The following NHS variants were observed in gnomAD, a reference collection of about 807,000 sequenced individuals.
The protein encoded by NHS is NHS actin remodeling regulator.
Under a neutral mutation model 72.5 loss-of-function variants are expected in NHS, and 5 were observed. The ratio of observed to expected loss-of-function variants is 0.07; its 90% CI spans 0.04 to 0.14. The LOEUF is 0.14. Ranked by LOEUF, NHS falls within the 10% of genes least tolerant of loss-of-function variation. The probability of loss-of-function intolerance (pLI) is 1.00; values close to 1 mark genes in which losing one functional copy is unlikely to be tolerated. For synonymous variants in NHS, 464 were observed against 547.7 expected (o/e 0.85, Z 2.13); for missense variants, 1,072 against 1,355.7 (o/e 0.79, Z 3.29).
At chrX:17,479,623 G>A (rs1380824881) in intron 1 of NHS, among the ~76,000 whole-genome samples, 1 of 112,274 alleles carries the variant, frequency 8.9e-6, no homozygotes, top group East Asian at 2.8e-4. Context: ...TTGTGGTTTT[G>A]ATGTGCATTT....
At chrX:17,564,191 G>T (rs1408425035) in intron 1 of NHS, among the ~76,000 whole-genome samples, 1 of 112,239 alleles carries the variant, frequency 8.9e-6, no homozygotes, top group East Asian at 2.8e-4. Flanking sequence ...TGGAGGTTTG[G>T]ATGTGAAACT....
intron 1 of NHS, among the ~76,000 whole-genome samples, chrX:17,560,172 A>G (rs757453768): frequency 1.4e-4 from 16 of 111,672 alleles, no homozygotes; most frequent in Non-Finnish European, 2.8e-4. Flanking sequence ...TTGTAATCTG[A>G]TATCTCGAGG....
At position 17,721,367 on chromosome X, in the gene NHS, A is replaced by G. The variant is rs1006995021; in HGVS notation, c.916-74A>G. ...TTTCTGACCTCATTTTTTCTTCTCTAAACTAGGAAATTCCTTATATGTGTG... is the reference window on the plus strand; with the variant it reads ...TTTCTGACCTCATTTTTTCTTCTCTGAACTAGGAAATTCCTTATATGTGTG... On this transcript the variant is annotated intron_variant, in intron 4 of 8. Transcript: ENST00000676302. 6.1e-5 allele frequency: 66 copies of G among 1,082,335 alleles called. No homozygotes were observed. The Middle Eastern group carries it at 7.6e-4, about 12-fold the overall frequency. 89.2% of individuals were successfully genotyped at this position (1,082,335 alleles called of 1,213,427 possible). A position where few individuals can be genotyped will look rare whatever the true frequency, so the allele number is the denominator to read the frequency against.
At chrX:17,482,200 G>A (rs1223853995) in intron 1 of NHS, among the ~76,000 whole-genome samples, 1 of 112,049 alleles carries the variant, frequency 8.9e-6, no homozygotes, top group Non-Finnish European at 1.9e-5. Flanking sequence ...GGCCAGGGGA[G>A]CTCCTGCAGT....
At chrX:17,597,932 CTAGGAGGG>C (rs1417823587) in intron 1 of NHS, among the ~76,000 whole-genome samples, 1 of 111,523 alleles carries the variant, frequency 9.0e-6, no homozygotes, top group Non-Finnish European at 1.9e-5. Flanking sequence ...AGGCTCATTT[CTAGGAGGG>C]TAGGACACTC....
intron 1 of NHS, among the ~76,000 whole-genome samples, chrX:17,565,684 G>A (rs1004713410): frequency 4.5e-5 from 5 of 111,509 alleles, no homozygotes; most frequent in Non-Finnish European, 9.4e-5. Context: ...CTACGAGAGA[G>A]GGCCAAAAAG....
rs779170769 is a variant in NHS, at chrX:17,724,459, A to C, written c.1240+29A>C. 24 of 1,207,012 alleles carry C rather than the reference A, an allele frequency of 2.0e-5. No homozygotes were observed. In the South Asian group the frequency reaches 4.0e-4, roughly 20 times the overall value. ...TGATATCAAAAAATGTTAATGGTTA[A>C]CATTCCTCCGCCTAGTACAGATGAT... On this transcript the variant is annotated intron_variant, in intron 6 of 8. Transcript: ENST00000676302.
chrX:17,410,922 G>A (rs909937463), intron 1 of NHS, among the ~76,000 whole-genome samples: 1 of 111,706 alleles, frequency 9.0e-6, no homozygotes, highest in African/African-American at 3.3e-5. Context: ...TATTGTCTTT[G>A]TGTGAAACTT....
intron 1 of NHS, among the ~76,000 whole-genome samples, chrX:17,469,651 T>G: frequency 8.9e-6 from 1 of 111,987 alleles, no homozygotes; most frequent in Non-Finnish European, 1.9e-5. Flanking sequence ...TTCTATAAGT[T>G]TGTTTGAGTC....
intron 1 of NHS, among the ~76,000 whole-genome samples, chrX:17,583,407 C>T (rs150324101): frequency 0.019 from 2,161 of 112,121 alleles, 54 homozygotes; most frequent in African/African-American, 0.066. Flanking sequence ...AGCCTCCCAA[C>T]TTCCAGGTGT....
At chrX:17,684,610 C>T (rs1189957893) in intron 1 of NHS, among the ~76,000 whole-genome samples, 5 of 112,232 alleles carry the variant, frequency 4.5e-5, no homozygotes, top group African/African-American at 1.6e-4. Context: ...TTCTTCAAGG[C>T]CAATAGGAGA....
At chrX:17,380,579 T>C (rs2064372674) in intron 1 of NHS, among the ~76,000 whole-genome samples, 1 of 111,011 alleles carries the variant, frequency 9.0e-6, no homozygotes, top group Admixed American at 9.5e-5. Context: ...TCTCGAACTC[T>C]TGCGCTGAAG....
At chrX:17,570,864 G>A (rs56742423) in intron 1 of NHS, among the ~76,000 whole-genome samples, 9,071 of 111,782 alleles carry the variant, frequency 0.081, 903 homozygotes, top group African/African-American at 0.27. Context: ...AGTTTACTGA[G>A]AGTTTTTACC....
chrX:17,394,768 G>A (rs2064464223), intron 1 of NHS, among the ~76,000 whole-genome samples: 1 of 108,474 alleles, frequency 9.2e-6, no homozygotes, highest in South Asian at 3.9e-4. Flanking sequence ...TTGGAAGATC[G>A]CTGATTTTTT....
In NHS at chrX:17,592,737, T is replaced by C. The variant is rs10521675; in HGVS notation, c.566-95005T>C. Among the ~76,000 whole-genome samples the C allele has an allele frequency of 7.0e-3, 780 of 111,847 alleles. 6 individuals are homozygous for C. Among genetic ancestry groups the C allele is most frequent in the Middle Eastern group, 0.06 (13 of 217 alleles). On this transcript the variant is annotated intron_variant, in intron 1 of 8. Coordinates refer to ENST00000676302, the MANE Select transcript of NHS (RefSeq NM_001291867.2). ...TTTTAAGTGGACCTTAGGAATGTTA[T>C]AATAAAGCCCAGTGCTAGGACAAAG...
intron 1 of NHS, among the ~76,000 whole-genome samples, chrX:17,414,988 C>T (rs61494754): frequency 0.037 from 4,098 of 110,826 alleles, 219 homozygotes; most frequent in African/African-American, 0.13. Context: ...TGCATGGGGG[C>T]GGGGGTTGGC....
At chrX:17,723,394 T>TC (rs2066417297) in intron 5 of NHS, among the ~76,000 whole-genome samples, 1 of 111,848 alleles carries the variant, frequency 8.9e-6, no homozygotes, top group African/African-American at 3.3e-5. Flanking sequence ...TCACCTCCCC[T>TC]CTCATCATTC....
At chrX:17,569,038 G>A (rs1039615737) in intron 1 of NHS, among the ~76,000 whole-genome samples, 8 of 111,590 alleles carry the variant, frequency 7.2e-5, no homozygotes, top group African/African-American at 2.6e-4. Flanking sequence ...GTGTATATGT[G>A]CCACATTTTC....
chrX:17,598,593 A>G lies in NHS; in HGVS notation c.566-89149A>G, dbSNP rs2065635642. Among the ~76,000 whole-genome samples the G allele has an allele frequency of 2.7e-5, 3 of 111,766 alleles. No individual in the cohort carries two copies. In the South Asian group the frequency reaches 1.1e-3, roughly 42 times the overall value. ...TACTATCATTATCCTCACTTCACAG[A>G]TAAGGGCATACAGGTGAAAAAGGCT... On this transcript the variant is annotated intron_variant, in intron 1 of 8. Coordinates refer to ENST00000676302, the MANE Select transcript of NHS (RefSeq NM_001291867.2).
Sources: gnomAD v4.1 joint callset for allele counts (sites outside exome capture counted in the v4.1 genomes callset) on GRCh38, gnomAD v4.1.1 for gene constraint, MANE v1.5 for transcripts, NCBI Gene and HGNC (gene_info 2026-07-23, HGNC 2026-07-21) for gene names.